Variants in NPSR1 observed in about 807,000 individuals in gnomAD.
NPSR1 encodes the protein neuropeptide S receptor 1, also known as neuropeptide S receptor.
A neutral mutation model predicts 46.9 loss-of-function variants in NPSR1; 48 were observed. The ratio of observed to expected loss-of-function variants is 1.02; its 90% CI spans 0.81 to 1.30. NPSR1 has a LOEUF of 1.30. NPSR1 is among the 50% of genes most tolerant of loss of function. The pLI is 0.00. For synonymous variants in NPSR1, 176 were observed against 168.1 expected, an observed-to-expected ratio of 1.05 and a Z score of -0.36; for missense variants, 450 against 449.5, an observed-to-expected ratio of 1.00 and a Z score of -0.01.
intron 4 of NPSR1, among the ~76,000 whole-genome samples, chr7:34,820,906 G>A (rs919766210): frequency 6.6e-5 from 10 of 152,096 alleles, no homozygotes; most frequent in Non-Finnish European, 1.5e-4. Context: ...TCTTCAGGGA[G>A]ACTATGTTGT....
intron 3 of NPSR1, among the ~76,000 whole-genome samples, chr7:34,792,677 A>ATATATATATT (rs1562733179): frequency 0.011 from 1,008 of 90,044 alleles, 42 homozygotes; most frequent in Non-Finnish European, 0.018. Context: ...ATATATATGT[A>ATATATATATT]TATATATATA....
rs540051047 is a variant in NPSR1, at chr7:34,676,549, C to T, written c.148-8003C>T. Among the ~76,000 whole-genome samples, 63 of 152,092 alleles carry T rather than the reference C, an allele frequency of 4.1e-4. 1 individual carries two copies. The highest frequency in any genetic ancestry group is 1.5e-3 in the African/African-American group (62 of 41,494). On this transcript the variant is annotated intron_variant, in intron 1 of 8. Transcript: ENST00000360581. Reference sequence around the variant, plus strand: ...GCCTGTGGGTGGGGAGGGGGACATGCACGCATAATACGGCTGCGAATAAAG... The same window carrying T: ...GCCTGTGGGTGGGGAGGGGGACATGTACGCATAATACGGCTGCGAATAAAG...
At chr7:34,689,667 G>C (rs145488300) in intron 2 of NPSR1, among the ~76,000 whole-genome samples, 88 of 149,686 alleles carry the variant, frequency 5.9e-4, no homozygotes, top group African/African-American at 2.0e-3. Context: ...TCTAGGCAGG[G>C]CATGGTGGTT....
At chr7:34,791,171 ATAT>A (rs1430463393) in intron 3 of NPSR1, among the ~76,000 whole-genome samples, 15 of 118,730 alleles carry the variant, frequency 1.3e-4, no homozygotes, top group African/African-American at 3.4e-4. Flanking sequence ...TATATGTTAT[ATAT>A]TATATTATAT....
intron 3 of NPSR1, among the ~76,000 whole-genome samples, chr7:34,809,459 TA>T (rs554110897): frequency 1.5e-5 from 2 of 134,160 alleles, no homozygotes; most frequent in Admixed American, 7.3e-5. Context: ...ATCACCCAGG[TA>T]TTTTTTTTTT....
chr7:34,817,953 C>A (rs1313481736), intron 4 of NPSR1, among the ~76,000 whole-genome samples: 1 of 152,180 alleles, frequency 6.6e-6, no homozygotes, highest in Non-Finnish European at 1.5e-5. Context: ...AAACTCACAT[C>A]CAATATCATA....
chr7:34,762,351 GA>G (rs1786219309), intron 2 of NPSR1, among the ~76,000 whole-genome samples: 1 of 152,142 alleles, frequency 6.6e-6, no homozygotes, highest in Non-Finnish European at 1.5e-5. Flanking sequence ...TCATCTTGGC[GA>G]AGGACACAGT....
intron 8 of NPSR1, among the ~76,000 whole-genome samples, chr7:34,867,520 C>T (rs1791340046): frequency 6.6e-6 from 1 of 151,920 alleles, no homozygotes; most frequent in South Asian, 2.1e-4. Context: ...GGGCAATGCC[C>T]ACTGGCCAGT....
chr7:34,816,040 T>A (rs1158062248), intron 4 of NPSR1, among the ~76,000 whole-genome samples: 1 of 152,156 alleles, frequency 6.6e-6, no homozygotes, highest in Non-Finnish European at 1.5e-5. Context: ...AACATCATAA[T>A]GATAGGATCA....
At chr7:34,742,583 G>A (rs577191228) in intron 2 of NPSR1, among the ~76,000 whole-genome samples, 3 of 152,280 alleles carry the variant, frequency 2.0e-5, no homozygotes, top group African/African-American at 7.2e-5. Flanking sequence ...GGGCATTTAG[G>A]TTGATTCTAT....
In NPSR1 at chr7:34,698,929, A is replaced by G. The variant is rs1049298978; in HGVS notation, c.280+14245A>G. ...CATAACAGTGAGAACAAAAATATAA[A>G]GGAAAATTTTCAAATGATGGAAAGT... On this transcript the variant is annotated intron_variant, in intron 2 of 8. Transcript: ENST00000360581. Among the ~76,000 whole-genome samples, 10 of 152,208 alleles carry G rather than the reference A, an allele frequency of 6.6e-5. 1 individual carries two copies. The highest frequency in any genetic ancestry group is 6.5e-4 in the Admixed American group (10 of 15,278).
At chr7:34,706,641 T>C (rs1484248613) in intron 2 of NPSR1, among the ~76,000 whole-genome samples, 1 of 152,206 alleles carries the variant, frequency 6.6e-6, no homozygotes, top group African/African-American at 2.4e-5. Context: ...ACCTATCTAA[T>C]GTCTTATTAT....
intron 2 of NPSR1, among the ~76,000 whole-genome samples, chr7:34,771,211 G>C (rs1018179420): frequency 5.1e-4 from 77 of 152,134 alleles, no homozygotes; most frequent in African/African-American, 1.6e-3. Flanking sequence ...GAAGTGAGTG[G>C]ATCACTTGAG....
At chr7:34,812,828 A>G (rs1278244139) in intron 4 of NPSR1, among the ~76,000 whole-genome samples, 1 of 152,226 alleles carries the variant, frequency 6.6e-6, no homozygotes, top group African/African-American at 2.4e-5. Context: ...ATCAAATATT[A>G]TTTAAAAAGT....
At chr7:34,855,106 T>C (rs1277026992) in intron 8 of NPSR1, among the ~76,000 whole-genome samples, 3 of 152,164 alleles carry the variant, frequency 2.0e-5, no homozygotes, top group East Asian at 1.9e-4. Flanking sequence ...GAAAGTATTA[T>C]GTATTAAATG....
Position 34,827,377 on chromosome 7 carries a change from C to T in NPSR1, c.479-24C>T, listed in dbSNP as rs1399224896. The stretch of plus-strand genomic sequence containing the variant: ...CAAAAATGGTTGCCACATACCCAGA[C>T]ATTCCTCTCTTTTCTTTGGGCAGAA... On this transcript the variant is annotated intron_variant, in intron 4 of 8. Coordinates refer to ENST00000360581, the MANE Select transcript of NPSR1 (RefSeq NM_207172.2). The T allele has an allele frequency of 1.9e-6, 3 of 1,609,860 alleles. No individual in the cohort carries two copies. In the East Asian group the frequency reaches 6.7e-5, roughly 36 times the overall value.
intron 2 of NPSR1, among the ~76,000 whole-genome samples, chr7:34,742,884 G>A (rs62462882): frequency 2.6e-5 from 4 of 152,096 alleles, no homozygotes; most frequent in Non-Finnish European, 5.9e-5. Context: ...CTGTGATTTT[G>A]ATTTGTATTT....
intron 2 of NPSR1, among the ~76,000 whole-genome samples, chr7:34,701,665 A>G (rs1418017509): frequency 6.6e-6 from 1 of 152,236 alleles, no homozygotes; most frequent in Non-Finnish European, 1.5e-5. Flanking sequence ...TATATGCTTA[A>G]ATCATAAGAT....
At chr7:34,806,241 A>T (rs1484006260) in intron 3 of NPSR1, among the ~76,000 whole-genome samples, 1 of 152,116 alleles carries the variant, frequency 6.6e-6, no homozygotes, top group Non-Finnish European at 1.5e-5. Context: ...AGCTTTATTC[A>T]TAATCACCAA....
Sources: allele counts gnomAD v4.1 joint callset (sites outside exome capture counted in the v4.1 genomes callset), GRCh38; gene constraint gnomAD v4.1.1; transcripts MANE v1.5; gene names NCBI Gene and HGNC (gene_info 2026-07-23, HGNC 2026-07-21).